ANGPT1: variants seen among roughly 807,000 people sequenced by gnomAD.
ANGPT1 encodes angiopoietin-1.
A neutral mutation model predicts 62.2 loss-of-function variants in ANGPT1; 17 were observed. The ratio of observed to expected loss-of-function variants is 0.27; its 90% CI spans 0.19 to 0.41. The LOEUF (loss-of-function observed/expected upper bound fraction) is 0.41, where lower values mean the gene tolerates loss of function less well. Ranked by LOEUF, ANGPT1 falls within the 10% of genes least tolerant of loss-of-function variation. The pLI is 1.00. For synonymous variants in ANGPT1, 199 were observed against 198.9 expected, an observed-to-expected ratio of 1.00 and a Z score of 0.00; for missense variants, 478 against 594.9, an observed-to-expected ratio of 0.80 and a Z score of 2.04.
chr8:107,406,631 G>A (rs1358954688), intron 1 of ANGPT1, among the ~76,000 whole-genome samples: 1 of 151,928 alleles, frequency 6.6e-6, no homozygotes, highest in Non-Finnish European at 1.5e-5. Flanking sequence ...ATTATGTTGT[G>A]GAGTAAGATA....
chr8:107,426,404 A>G (rs1239948221), intron 1 of ANGPT1, among the ~76,000 whole-genome samples: 4 of 152,196 alleles, frequency 2.6e-5, no homozygotes, highest in African/African-American at 9.6e-5. Flanking sequence ...GGTTGAGTGA[A>G]TTATTTGCAC....
intron 3 of ANGPT1, among the ~76,000 whole-genome samples, chr8:107,329,026 T>G (rs1251683735): frequency 6.6e-6 from 1 of 152,010 alleles, no homozygotes; most frequent in African/African-American, 2.4e-5. Flanking sequence ...ATGTGTAATA[T>G]ATGTATGACA....
At chr8:107,428,817 C>T (rs1204586123) in intron 1 of ANGPT1, among the ~76,000 whole-genome samples, 2 of 152,126 alleles carry the variant, frequency 1.3e-5, no homozygotes, top group Non-Finnish European at 2.9e-5. Context: ...ACCAAATTGG[C>T]AAAATTCCCA....
In ANGPT1 at chr8:107,342,674, A is replaced by G. The variant is rs546401755; in HGVS notation, c.453+4268T>C. Among the ~76,000 whole-genome samples, 19 of 152,216 alleles carry G rather than the reference A, an allele frequency of 1.2e-4. No homozygotes were observed. The South Asian group carries it at 3.5e-3, about 28-fold the overall frequency. On this transcript the variant is annotated intron_variant, in intron 2 of 8. Transcript: ENST00000517746. ...AAACAATTTTCCTAAACCTTGTAAG[A>G]AAACTAATTACAGGATATTTTCCTT... is the stretch of plus-strand genomic sequence containing the variant.
intron 7 of ANGPT1, among the ~76,000 whole-genome samples, chr8:107,270,338 T>C (rs965298369): frequency 1.3e-5 from 2 of 152,094 alleles, no homozygotes; most frequent in African/African-American, 4.8e-5. Flanking sequence ...TCGTAGGTAC[T>C]GACAAGCTGA....
chr8:107,377,429 C>A (rs951164927), intron 1 of ANGPT1, among the ~76,000 whole-genome samples: 3 of 152,142 alleles, frequency 2.0e-5, no homozygotes, highest in Non-Finnish European at 4.4e-5. Flanking sequence ...GTGTGCTGGG[C>A]AAGCCAGACC....
chr8:107,469,934 C>T (rs954934606), intron 1 of ANGPT1, among the ~76,000 whole-genome samples: 3 of 151,996 alleles, frequency 2.0e-5, no homozygotes, highest in Non-Finnish European at 2.9e-5. Context: ...AAAAAGATAA[C>T]GTGATGCAGA....
intron 1 of ANGPT1, among the ~76,000 whole-genome samples, chr8:107,406,641 A>G: frequency 6.6e-6 from 1 of 152,080 alleles, no homozygotes; most frequent in East Asian, 1.9e-4. Context: ...GGAGTAAGAT[A>G]AGGAAATTCA....
intron 1 of ANGPT1, among the ~76,000 whole-genome samples, chr8:107,417,177 G>A (rs1401649467): frequency 6.6e-6 from 1 of 152,136 alleles, no homozygotes; most frequent in Admixed American, 6.5e-5. Context: ...AAAGGGACAT[G>A]GGAGTTATAA....
Position 107,346,975 on chromosome 8 carries a change from C to G in ANGPT1, c.420G>C (p.Glu140Asp). The part of the protein sequence containing the change: ...IGTSLLSQTA[E>D]QTRKLTDVET... ...CAACATCTGTCAGCTTTCTGGTCTG[C>G]TCTGCAGTCTGAGAGAGGAGGCTGG... Residue 140 changes from glutamate (E) to aspartate (D), a missense_variant, in exon 2 of 9, where the codon GAG becomes GAC. Physicochemically the swap from Glu to Asp is conservative, Grantham distance 45. Transcript: ENST00000517746. 3 of 1,613,812 alleles carry G rather than the reference C, an allele frequency of 1.9e-6. No individual in the cohort carries two copies. The highest frequency in any genetic ancestry group is 2.5e-6 in the Non-Finnish European group (3 of 1,179,832).
intron 4 of ANGPT1, among the ~76,000 whole-genome samples, chr8:107,321,178 T>C (rs1334815869): frequency 6.6e-6 from 1 of 152,004 alleles, no homozygotes; most frequent in Non-Finnish European, 1.5e-5. Flanking sequence ...GGTGGATGGA[T>C]GGATAGACAG....
chr8:107,269,378 G>A (rs1227798549), intron 7 of ANGPT1, among the ~76,000 whole-genome samples: 1 of 151,828 alleles, frequency 6.6e-6, no homozygotes, highest in Non-Finnish European at 1.5e-5. Flanking sequence ...TTTTAACACT[G>A]GTTCTGGCTA....
intron 6 of ANGPT1, 98 bp from the exon 7 acceptor site, chr8:107,284,946 A>T: frequency 1.0e-6 from 1 of 1,004,576 alleles, no homozygotes; most frequent in Non-Finnish European, 1.3e-6. Flanking sequence ...AAAATTATTA[A>T]AAAGTAAAGG....
chr8:107,252,233 T>C (rs1813262592), intron 8 of ANGPT1, among the ~76,000 whole-genome samples: 1 of 152,150 alleles, frequency 6.6e-6, no homozygotes, highest in Non-Finnish European at 1.5e-5. Flanking sequence ...ACAGCAATGC[T>C]CTCATGGAAA....
At chr8:107,399,889 G>T (rs543095893) in intron 1 of ANGPT1, among the ~76,000 whole-genome samples, 1 of 152,280 alleles carries the variant, frequency 6.6e-6, no homozygotes, top group South Asian at 2.1e-4. Context: ...CATCAGGGTA[G>T]TTGAGATGTT....
intron 1 of ANGPT1, among the ~76,000 whole-genome samples, chr8:107,397,054 C>A (rs1346802658): frequency 6.6e-6 from 1 of 152,062 alleles, no homozygotes; most frequent in Non-Finnish European, 1.5e-5. Flanking sequence ...TATAGAGCTG[C>A]TGTACCTTAA....
intron 1 of ANGPT1, among the ~76,000 whole-genome samples, chr8:107,439,670 CT>C: frequency 6.6e-6 from 1 of 152,152 alleles, no homozygotes; most frequent in Non-Finnish European, 1.5e-5. Flanking sequence ...AAAATAAATA[CT>C]ATCCTCAAGG....
chr8:107,311,968 G>A (rs1173702042), intron 4 of ANGPT1, among the ~76,000 whole-genome samples: 3 of 151,770 alleles, frequency 2.0e-5, no homozygotes, highest in African/African-American at 7.3e-5. Context: ...GGAGGCTGAG[G>A]CAGGAGAATG....
Position 107,322,102 on chromosome 8 carries a change from A to C in ANGPT1, c.602T>G (p.Met201Arg), listed in dbSNP as rs1815166828. The C allele has an allele frequency of 6.2e-7, 1 of 1,612,890 alleles. No individual in the cohort carries two copies. The highest frequency in any genetic ancestry group is 1.1e-5 in the South Asian group (1 of 90,896). ...CAACTCTTCCTTGTGTTTTCCTTCC[A>C]TTTCTAAGATTTTATGTTCTAATAA... The part of the protein sequence containing the change: ...NSLLEHKILE[M>R]EGKHKEELDT... Residue 201 changes from methionine to arginine, a missense_variant, in exon 4 of 9, where the codon ATG becomes AGG. Met to Arg is a moderately conservative substitution (Grantham distance 91). Coordinates refer to ENST00000517746, the MANE Select transcript of ANGPT1 (RefSeq NM_001146.5).
Sources: allele counts gnomAD v4.1 joint callset (sites outside exome capture counted in the v4.1 genomes callset), GRCh38; gene constraint gnomAD v4.1.1; transcripts MANE v1.5; gene names NCBI Gene and HGNC (gene_info 2026-07-23, HGNC 2026-07-21).